Variants in RYR3 observed in about 807,000 individuals in gnomAD.
RYR3 encodes ryanodine receptor 3.
In RYR3, 207 loss-of-function variants were observed where a neutral mutation model predicts 584.3. The observed-to-expected ratio is 0.35, with a 90% CI of 0.32 to 0.40. RYR3 has a LOEUF of 0.40. Among genes scored for constraint, RYR3 ranks in the 10% least tolerant of loss-of-function variants. RYR3 has a pLI of 1.00. For missense variants in RYR3, 5,616 were observed against 6,089.2 expected, an observed-to-expected ratio of 0.92 and a Z score of 2.59; for synonymous variants, 2,416 against 2,248.5, an observed-to-expected ratio of 1.07 and a Z score of -2.11.
chr15:33,638,120 T>C (rs553105430), intron 27 of RYR3, among the ~76,000 whole-genome samples: 17 of 152,236 alleles, frequency 1.1e-4, no homozygotes, highest in Non-Finnish European at 2.1e-4. Context: ...AATGGAGTCA[T>C]ATTTTAATGC....
chr15:33,385,253 A>C (rs1160865930), intron 1 of RYR3, among the ~76,000 whole-genome samples: 1 of 152,172 alleles, frequency 6.6e-6, no homozygotes. Flanking sequence ...GGCAGAATTG[A>C]ATTAGAGCCA....
chr15:33,710,498 G>A (rs2067031564), intron 43 of RYR3, among the ~76,000 whole-genome samples: 1 of 151,930 alleles, frequency 6.6e-6, no homozygotes, highest in African/African-American at 2.4e-5. Flanking sequence ...CATGCCAGTG[G>A]CTCTACCATC....
In RYR3 at chr15:33,311,015, A is replaced by G. The variant is rs1967156661; in HGVS notation, c.-31A>G. ...CTGCCGGGGGAAGCAGAGGCGCCGG[A>G]GGCTGGGGCACCGCCGACGCCTCGG... is the stretch of plus-strand genomic sequence containing the variant. On this transcript the variant is annotated 5_prime_UTR_variant, in exon 1 of 104. Transcript: ENST00000634891. The surrounding 1 kb of genome is among the most constrained non-coding windows in gnomAD (Gnocchi z 4.4). The G allele has an allele frequency of 1.3e-6, 2 of 1,557,340 alleles. No individual in the cohort carries two copies. The highest frequency in any genetic ancestry group is 1.8e-5 in the Admixed American group (1 of 54,728).
chr15:33,482,887 C>G (rs2050096301), intron 2 of RYR3, among the ~76,000 whole-genome samples: 1 of 152,168 alleles, frequency 6.6e-6, no homozygotes, highest in Non-Finnish European at 1.5e-5. Context: ...TATTTACTCT[C>G]TCCTGGGACT....
chr15:33,465,844 G>A, intron 1 of RYR3: 2 of 514,984 alleles, frequency 3.9e-6, no homozygotes, highest in South Asian at 2.8e-5. Context: ...GTAAGAGAAG[G>A]AAAGGAATCA....
chr15:33,708,926 C>G (rs374500534), intron 43 of RYR3, among the ~76,000 whole-genome samples: 1 of 151,162 alleles, frequency 6.6e-6, no homozygotes, highest in African/African-American at 2.5e-5. Flanking sequence ...AATAGAATGA[C>G]GGGGTGAGTG....
intron 1 of RYR3, among the ~76,000 whole-genome samples, chr15:33,432,912 C>A (rs1319569434): frequency 6.6e-6 from 1 of 151,684 alleles, no homozygotes; most frequent in African/African-American, 2.4e-5. Flanking sequence ...AAAATCAATA[C>A]AATCCAACTC....
chr15:33,653,884 T>A (rs2062654504), intron 32 of RYR3, among the ~76,000 whole-genome samples: 1 of 152,150 alleles, frequency 6.6e-6, no homozygotes, highest in Admixed American at 6.5e-5. Context: ...ATAATGAAGG[T>A]TATTAGCACA....
chr15:33,810,701 T>C lies in RYR3; in HGVS notation c.10197+52T>C, dbSNP rs865943667. 4.5e-5 allele frequency: 72 copies of C among 1,608,488 alleles called. 2 individuals carry two copies. The Middle Eastern group carries it at 8.3e-3, about 184-fold the overall frequency. On this transcript the variant is annotated intron_variant, in intron 71 of 103. Transcript: ENST00000634891. ...GTGTGTGATCCACATGGTGCAGTGA[T>C]AAGCATTCAGCCCCTGAAGGGTTAG...
At chr15:33,660,449 G>A (rs748825633) in intron 34 of RYR3, 26 bp downstream of exon 34, 1 of 1,494,924 alleles carries the variant, frequency 6.7e-7, no homozygotes, top group Non-Finnish European at 9.0e-7. Context: ...GCGAAGGAAG[G>A]GGCAGGCCTG....
chr15:33,506,445 T>C (rs2052491198), intron 3 of RYR3, among the ~76,000 whole-genome samples: 1 of 152,206 alleles, frequency 6.6e-6, no homozygotes, highest in African/African-American at 2.4e-5. Context: ...ATCATCATGT[T>C]GAGTCAGACT....
rs1466765719 is a variant in RYR3, at chr15:33,865,820, TGTTCCAGAAGGACA to T, written c.*601_*614del. 3.9e-5 allele frequency: 6 copies of T among 152,762 alleles called. No homozygotes were observed. Among genetic ancestry groups the T allele is most frequent in the African/African-American group, 1.2e-4 (5 of 41,452 alleles). 9.5% of individuals were successfully genotyped at this position (152,762 alleles called of 1,614,324 possible). A position where few individuals can be genotyped will look rare whatever the true frequency, so the allele number is the denominator to read the frequency against. On this transcript the variant is annotated 3_prime_UTR_variant, in exon 104 of 104. Transcript: ENST00000634891. ...TAGCTATGCAAGTTTTTTATGTTTG[TGTTCCAGAAGGACA>T]GTTCCATTCATTAGTTGTGATCTTC...
intron 9 of RYR3, among the ~76,000 whole-genome samples, chr15:33,549,312 C>A (rs1595544575): frequency 6.6e-6 from 1 of 152,220 alleles, no homozygotes; most frequent in East Asian, 1.9e-4. Flanking sequence ...TCCCCAGAGA[C>A]CTAAACATGA....
chr15:33,675,928 G>A (rs971036790), intron 38 of RYR3, among the ~76,000 whole-genome samples: 1 of 152,100 alleles, frequency 6.6e-6, no homozygotes. Context: ...CAGTGCTCTG[G>A]GTGAGAGGTT....
intron 38 of RYR3, among the ~76,000 whole-genome samples, chr15:33,677,381 T>C (rs1255972646): frequency 1.3e-5 from 2 of 152,252 alleles, no homozygotes; most frequent in East Asian, 1.9e-4. Flanking sequence ...AGTCCTTCGC[T>C]GTGCCATCTC....
chr15:33,437,346 G>C (rs1040480893), intron 1 of RYR3, among the ~76,000 whole-genome samples: 36 of 152,206 alleles, frequency 2.4e-4, no homozygotes, highest in African/African-American at 8.4e-4. Context: ...TTTCCTCATG[G>C]TTACGGCATG....
At chr15:33,425,463 A>G (rs2044539755) in intron 1 of RYR3, among the ~76,000 whole-genome samples, 1 of 152,248 alleles carries the variant, frequency 6.6e-6, no homozygotes, top group East Asian at 1.9e-4. Context: ...GTGAAATCTA[A>G]AACTACAGAG....
At chr15:33,498,544 G>A (rs554426166) in intron 2 of RYR3, among the ~76,000 whole-genome samples, 50 of 151,894 alleles carry the variant, frequency 3.3e-4, no homozygotes, top group Admixed American at 1.4e-3. Flanking sequence ...GTGGGGAGGG[G>A]GCTGTTTAGT....
At chr15:33,457,518 A>T (rs2047659743) in intron 1 of RYR3, among the ~76,000 whole-genome samples, 1 of 152,200 alleles carries the variant, frequency 6.6e-6, no homozygotes, top group South Asian at 2.1e-4. Flanking sequence ...ACATATGTGA[A>T]ATCTAAAGAA....
Sources: allele counts gnomAD v4.1 joint callset (sites outside exome capture counted in the v4.1 genomes callset), GRCh38; gene constraint gnomAD v4.1.1; non-coding constraint Gnocchi (gnomAD v3.1); transcripts MANE v1.5; gene names NCBI Gene and HGNC (gene_info 2026-07-23, HGNC 2026-07-21).